TSBP1: variants seen among roughly 807,000 people sequenced by gnomAD.
The protein encoded by TSBP1 is testis-expressed basic protein 1.
A neutral mutation model predicts 68.8 loss-of-function variants in TSBP1; 56 were observed. That is an observed-to-expected ratio of 0.81 (90% CI 0.66 to 1.02). The LOEUF is 1.02. TSBP1 is among the 50% of genes least tolerant of loss of function. The pLI, the probability that TSBP1 is intolerant of heterozygous loss-of-function variation, is 0.00. For synonymous variants in TSBP1, 171 were observed against 208.7 expected, an observed-to-expected ratio of 0.82 and a Z score of 1.56; for missense variants, 502 against 641.2, an observed-to-expected ratio of 0.78 and a Z score of 2.34.
intron 16 of TSBP1, among the ~76,000 whole-genome samples, chr6:32,324,886 C>T (rs1340243785): frequency 2.0e-5 from 3 of 151,928 alleles, no homozygotes; most frequent in Non-Finnish European, 4.4e-5. Context: ...AATAGAACTT[C>T]AAGTTCCATG....
chr6:32,346,409 C>T lies in TSBP1; in HGVS notation c.349+3331G>A, dbSNP rs537774129. ...ATGCTTTTTATAATTCCTAATCGGA[C>T]GTTCCTTCCACCTCTCCTTACTCCC... is the stretch of plus-strand genomic sequence containing the variant. On this transcript the variant is annotated intron_variant, in intron 9 of 22. Transcript: ENST00000612031. Among the ~76,000 whole-genome samples, 245 of 149,484 alleles carry T rather than the reference C, an allele frequency of 1.6e-3. 9 individuals are homozygous for T. The East Asian group carries it at 0.034, about 20-fold the overall frequency.
chr6:32,312,320 C>T (rs1017371393), intron 19 of TSBP1, among the ~76,000 whole-genome samples: 2 of 152,002 alleles, frequency 1.3e-5, no homozygotes, highest in African/African-American at 4.8e-5. Context: ...ATTATAACAA[C>T]GGTGGGAATT....
At chr6:32,330,765 G>T (rs1768916750) in intron 15 of TSBP1, among the ~76,000 whole-genome samples, 156 bp from the exon 17 acceptor site, 1 of 151,806 alleles carries the variant, frequency 6.6e-6, no homozygotes, top group Non-Finnish European at 1.5e-5. Context: ...CCACCTTCTG[G>T]GTTCAAGGGA....
At chr6:32,295,232 A>G (rs747139141) in intron 22 of TSBP1, among the ~76,000 whole-genome samples, 17 of 150,800 alleles carry the variant, frequency 1.1e-4, no homozygotes, top group Non-Finnish European at 2.1e-4. Context: ...GCTACTCATG[A>G]GGCTGAGGCA....
chr6:32,309,594 A>C (rs9268193), intron 19 of TSBP1, among the ~76,000 whole-genome samples: 9,507 of 151,904 alleles, frequency 0.063, 446 homozygotes, highest in Non-Finnish European at 0.11. Context: ...TTCTTTTTAA[A>C]ATTTTTTTAT....
At position 32,336,012 on chromosome 6, in the gene TSBP1, T is replaced by A; in HGVS notation, c.431-80A>T. On this transcript the variant is annotated intron_variant, in intron 12 of 22. Transcript: ENST00000612031. This position sits in a 1 kb window ranked among gnomAD's most constrained non-coding sequence, Gnocchi z 5.2. ...GAAGGAAATTTCCATTTCCCAACAC[T>A]CGCTCTAGGGAGTATCATAAATAGA... is the stretch of plus-strand genomic sequence containing the variant. The A allele has an allele frequency of 8.5e-7, 1 of 1,170,890 alleles. No individual in the cohort carries two copies. The highest frequency in any genetic ancestry group is 1.3e-6 in the Non-Finnish European group (1 of 789,254). The allele number at this position is 1,170,890 out of a possible 1,614,324, so 72.5% of individuals were successfully genotyped here.
chr6:32,359,220 CACT>C (rs1478099394), intron 6 of TSBP1, among the ~76,000 whole-genome samples: 1 of 152,122 alleles, frequency 6.6e-6, no homozygotes, highest in African/African-American at 2.4e-5. Flanking sequence ...GGAATAGCCA[CACT>C]GACTTCCACA....
chr6:32,335,474 AAAG>A lies in TSBP1; in HGVS notation c.452-20_452-18del, dbSNP rs776756462. The A allele has an allele frequency of 1.6e-5, 23 of 1,452,610 alleles. No homozygotes were observed. Among genetic ancestry groups the A allele is most frequent in the Non-Finnish European group, 2.0e-5 (22 of 1,089,840 alleles). The allele number at this position is 1,452,610 out of a possible 1,614,324, so 90.0% of individuals were successfully genotyped here. A position where few individuals can be genotyped will look rare whatever the true frequency, so the allele number is the denominator to read the frequency against. The stretch of plus-strand genomic sequence containing the variant: ...GAGAGAGCTCTAAAAAAAAAAGAGA[AAAG>A]AAATCAGTAGCTATATATATATTTT... On this transcript the variant is annotated intron_variant, in intron 13 of 22. Coordinates refer to ENST00000612031, the Ensembl canonical transcript of TSBP1. The surrounding 1 kb of genome is among the most constrained non-coding windows in gnomAD (Gnocchi z 5.5).
chr6:32,335,442 G>GT lies in TSBP1; in HGVS notation c.466dup (p.Thr156AsnfsTer66), dbSNP rs1769529921. On this transcript the variant is annotated frameshift_variant, in exon 14 of 23. Transcript: ENST00000612031. LOFTEE classifies it high-confidence loss of function. The surrounding 1 kb of genome is among the most constrained non-coding windows in gnomAD (Gnocchi z 5.5). ...TTGAGAATCAGATGACTTACCAATG[G>GT]TTTTTTGAGAGAGCTCTAAAAAAAA... is the stretch of plus-strand genomic sequence containing the variant. 2.0e-6 allele frequency: 3 copies of GT among 1,492,786 alleles called. No individual in the cohort carries two copies. The highest frequency in any genetic ancestry group is 5.1e-5 in the East Asian group (2 of 38,920). 92.5% of individuals were successfully genotyped at this position (1,492,786 alleles called of 1,614,324 possible).
At chr6:32,366,633 G>A (rs1773761655) in intron 4 of TSBP1, among the ~76,000 whole-genome samples, 1 of 151,956 alleles carries the variant, frequency 6.6e-6, no homozygotes, top group African/African-American at 2.4e-5. Context: ...GGGCATGGTG[G>A]CAGGTGCCTG....
intron 15 of TSBP1, 64 bp from the exon 17 acceptor site, chr6:32,330,673 C>CACACTT (rs1192614256): frequency 4.3e-5 from 63 of 1,464,564 alleles, no homozygotes; most frequent in Non-Finnish European, 5.4e-5. Context: ...CACACACACA[C>CACACTT]ACTTCTATTT....
intron 16 of TSBP1, among the ~76,000 whole-genome samples, chr6:32,329,492 T>G (rs995475344): frequency 1.3e-5 from 2 of 152,178 alleles, no homozygotes; most frequent in Admixed American, 1.3e-4. Context: ...TCTTATTCAT[T>G]CACAAAAAGG....
intron 22 of TSBP1, among the ~76,000 whole-genome samples, chr6:32,294,980 T>A (rs760934908): frequency 5.3e-5 from 8 of 152,070 alleles, no homozygotes; most frequent in African/African-American, 1.7e-4. Context: ...ATGTCTTGCT[T>A]TGAGAAAATC....
chr6:32,294,705 A>G (rs140669783), intron 22 of TSBP1, among the ~76,000 whole-genome samples: 300 of 152,300 alleles, frequency 2.0e-3, no homozygotes, highest in African/African-American at 6.6e-3. Context: ...GTCAGACTCC[A>G]GTGTTCAGTT....
chr6:32,298,120 T>G (rs980066804), intron 22 of TSBP1, among the ~76,000 whole-genome samples: 2 of 152,170 alleles, frequency 1.3e-5, no homozygotes, highest in African/African-American at 2.4e-5. Context: ...CTGAGTCAAG[T>G]TGACATACAA....
chr6:32,317,549 A>C (rs967312860), intron 18 of TSBP1, among the ~76,000 whole-genome samples: 5 of 152,232 alleles, frequency 3.3e-5, no homozygotes, highest in African/African-American at 1.2e-4. Context: ...AAGTTTTTGC[A>C]AACTATGCAT....
chr6:32,349,580 T>A (rs1771480817), intron 9 of TSBP1, 160 bp downstream of exon 9: 1 of 592,428 alleles, frequency 1.7e-6, no homozygotes, highest in South Asian at 2.3e-5. Flanking sequence ...TTTGACTGAT[T>A]ATTGAAGTGT....
Position 32,320,503 on chromosome 6 carries a change from C to T in TSBP1, c.559+2614G>A, listed in dbSNP as rs1767500663. On this transcript the variant is annotated intron_variant, in intron 18 of 22. Coordinates refer to ENST00000612031, the Ensembl canonical transcript of TSBP1. The stretch of plus-strand genomic sequence containing the variant: ...TTTGGGAGCAGATGTTGAAACCCTA[C>T]CTTTGTTCCTGAGGCAAAGCTGTCA... 1.3e-5 allele frequency among the ~76,000 whole-genome samples: 2 copies of T among 152,094 alleles called. 1 individual carries two copies. The highest frequency in any genetic ancestry group is 1.3e-4 in the Admixed American group (2 of 15,262).
Position 32,335,436 on chromosome 6 carries a change from C to G in TSBP1, c.472+1G>C, listed in dbSNP as rs762889398. The G allele has an allele frequency of 2.0e-6, 3 of 1,500,978 alleles. No homozygotes were observed. Among genetic ancestry groups the G allele is most frequent in the South Asian group, 2.6e-5 (2 of 75,506 alleles). The allele number at this position is 1,500,978 out of a possible 1,614,324, so 93.0% of individuals were successfully genotyped here. ...TTATAATTGAGAATCAGATGACTTA[C>G]CAATGGTTTTTTGAGAGAGCTCTAA... On this transcript the variant is annotated splice_donor_variant, in intron 14 of 22. Transcript: ENST00000612031. LOFTEE classifies it high-confidence loss of function. The surrounding 1 kb of genome is among the most constrained non-coding windows in gnomAD (Gnocchi z 5.5).
Sources: allele counts gnomAD v4.1 joint callset (sites outside exome capture counted in the v4.1 genomes callset), GRCh38; gene constraint gnomAD v4.1.1; non-coding constraint Gnocchi (gnomAD v3.1); transcripts MANE v1.5; gene names NCBI Gene and HGNC (gene_info 2026-07-23, HGNC 2026-07-21).